The following NUDT2 variants were observed in gnomAD, a reference collection of about 807,000 sequenced individuals.
The protein encoded by NUDT2 is bis(5'-nucleosyl)-tetraphosphatase [asymmetrical].
A neutral mutation model predicts 14.2 loss-of-function variants in NUDT2; 12 were observed. The ratio of observed to expected loss-of-function variants is 0.84; its 90% CI spans 0.54 to 1.37. NUDT2 has a LOEUF of 1.37. NUDT2 is among the 40% of genes most tolerant of loss of function. NUDT2 has a pLI of 0.00. For missense variants in NUDT2, 167 were observed against 176.7 expected (o/e 0.95, Z 0.31); for synonymous variants, 67 against 67.4 (o/e 0.99, Z 0.03).
intron 4 of NUDT2, 89 bp downstream of exon 4, chr9:34,339,255 AGTGACT>A: frequency 2.0e-6 from 3 of 1,517,584 alleles, no homozygotes; most frequent in Non-Finnish European, 2.7e-6. Context: ...CTTAATTCCC[AGTGACT>A]GTGTAGCAAA....
intron 4 of NUDT2, among the ~76,000 whole-genome samples, chr9:34,340,483 G>A (rs1427559517): frequency 2.6e-5 from 4 of 152,236 alleles, no homozygotes; most frequent in African/African-American, 7.2e-5. Flanking sequence ...CTAGCTACCT[G>A]TGCCTTGAGT....
At chr9:34,342,980 C>T in intron 4 of NUDT2, 144 bp from the exon 5 acceptor site, 1 of 688,042 alleles carries the variant, frequency 1.5e-6, no homozygotes, top group South Asian at 1.9e-5. Context: ...GAGCTGATTG[C>T]ACTACTGCAC....
chr9:34,339,081 C>G lies in NUDT2; in HGVS notation c.42C>G (p.Cys14Trp), dbSNP rs762784885. The G allele has an allele frequency of 4.3e-6, 7 of 1,613,812 alleles. No individual in the cohort carries two copies. The highest frequency in any genetic ancestry group is 5.9e-6 in the Non-Finnish European group (7 of 1,179,822). The change falls in exon 4 of 5, where the codon TGC becomes TGG. Residue 14 changes from cysteine to tryptophan, a missense_variant. Transcript: ENST00000379158. ...RACGLIIFRR[C>W]LIPKVDNNAI... is the part of the protein sequence containing the mutation. ...GTGGCTTGATCATCTTCCGAAGATG[C>G]CTCATTCCCAAAGTGGACAACAATG...
At chr9:34,331,644 G>C (rs974489674) in intron 1 of NUDT2, among the ~76,000 whole-genome samples, 2 of 152,256 alleles carry the variant, frequency 1.3e-5, no homozygotes, top group East Asian at 3.9e-4. Flanking sequence ...AATTTTCACC[G>C]TGGTCTTGGT....
intron 1 of NUDT2, among the ~76,000 whole-genome samples, chr9:34,331,268 G>C (rs980560036): frequency 2.6e-5 from 4 of 152,144 alleles, no homozygotes; most frequent in Non-Finnish European, 5.9e-5. Context: ...GAAGCTTTTT[G>C]ATGATCTTTT....
Position 34,338,327 on chromosome 9 carries a change from T to TAAAAAAAAAAAAAA in NUDT2, c.-151-369_-151-356dup, listed in dbSNP as rs61594121. Among the ~76,000 whole-genome samples the TAAAAAAAAAAAAAA allele has an allele frequency of 2.7e-4, 9 of 33,738 alleles. 1 individual carries two copies. Among genetic ancestry groups the TAAAAAAAAAAAAAA allele is most frequent in the African/African-American group, 8.4e-4 (5 of 5,976 alleles). The allele number at this position is 33,738 out of a possible 152,430, so 22.1% of individuals were successfully genotyped here. A position where few individuals can be genotyped will look rare whatever the true frequency, so the allele number is the denominator to read the frequency against. On this transcript the variant is annotated intron_variant, in intron 2 of 4. Coordinates refer to ENST00000379158, the MANE Select transcript of NUDT2 (RefSeq NM_001161.5). The stretch of plus-strand genomic sequence containing the variant: ...GGGCAATATAGTGAGACCCTGTCTC[T>TAAAAAAAAAAAAAA]AAAAAAAAAAAAAAAAAAAAAAAAA...
At chr9:34,336,752 C>T (rs1240140177) in intron 2 of NUDT2, among the ~76,000 whole-genome samples, 3 of 151,926 alleles carry the variant, frequency 2.0e-5, no homozygotes, top group African/African-American at 7.3e-5. Flanking sequence ...CTGTGTTGTC[C>T]GGACTGGTCT....
chr9:34,332,474 A>G (rs886135085), intron 1 of NUDT2, among the ~76,000 whole-genome samples: 66 of 152,300 alleles, frequency 4.3e-4, no homozygotes, highest in African/African-American at 1.5e-3. Flanking sequence ...CTTCATATCT[A>G]TCTGTCAATC....
chr9:34,331,628 A>G (rs1365612394), intron 1 of NUDT2, among the ~76,000 whole-genome samples: 1 of 152,208 alleles, frequency 6.6e-6, no homozygotes, highest in Non-Finnish European at 1.5e-5. Context: ...TCTTGCTCTA[A>G]TAGAAAATTT....
chr9:34,330,265 C>T (rs1320331014), intron 1 of NUDT2, among the ~76,000 whole-genome samples: 1 of 152,116 alleles, frequency 6.6e-6, no homozygotes, highest in East Asian at 1.9e-4. Context: ...GTTAGCCAGG[C>T]GTCGTGGCGG....
In NUDT2 at chr9:34,343,347, G is replaced by A. The variant is rs984139122; in HGVS notation, c.351G>A (p.Leu117=). The A allele has an allele frequency of 6.2e-7, 1 of 1,614,118 alleles. No homozygotes were observed. Among genetic ancestry groups the A allele is most frequent in the Non-Finnish European group, 8.5e-7 (1 of 1,180,014 alleles). ...ATGAGCACCAAGCCTACCGCTGGCT[G>A]GGGCTGGAGGAGGCCTGCCAGTTGG... ...LSHEHQAYRW[L]GLEEACQLAQ... The change falls in exon 5 of 5, where the codon CTG becomes CTA. Residue 117 remains leucine (L), a synonymous_variant. Transcript: ENST00000379158.
At chr9:34,330,095 CAA>C in intron 1 of NUDT2, among the ~76,000 whole-genome samples, 1 of 152,306 alleles carries the variant, frequency 6.6e-6, no homozygotes, top group Middle Eastern at 3.4e-3. Flanking sequence ...AACAAACAAA[CAA>C]AAAAGGGACA....
At chr9:34,332,512 G>A (rs532154505) in intron 1 of NUDT2, among the ~76,000 whole-genome samples, 3 of 152,230 alleles carry the variant, frequency 2.0e-5, no homozygotes, top group African/African-American at 4.8e-5. Flanking sequence ...CATGGGATAC[G>A]CACAACAGAC....
chr9:34,335,361 C>T (rs576244862), intron 1 of NUDT2, among the ~76,000 whole-genome samples: 108 of 152,368 alleles, frequency 7.1e-4, no homozygotes, highest in African/African-American at 2.6e-3. Flanking sequence ...AGCAGAGTTG[C>T]ATGGATTTAT....
At chr9:34,329,924 TC>T (rs1253290361) in intron 1 of NUDT2, among the ~76,000 whole-genome samples, 1 of 152,208 alleles carries the variant, frequency 6.6e-6, no homozygotes, top group African/African-American at 2.4e-5. Flanking sequence ...CGCCGAACCT[TC>T]CCCTCCCTGG....
At chr9:34,333,524 C>T (rs1838003822) in intron 1 of NUDT2, among the ~76,000 whole-genome samples, 1 of 151,318 alleles carries the variant, frequency 6.6e-6, no homozygotes, top group Admixed American at 6.6e-5. Context: ...TCCTAGCTAC[C>T]CAGGAGGCTA....
intron 4 of NUDT2, among the ~76,000 whole-genome samples, chr9:34,340,731 T>C (rs756033935): frequency 6.6e-6 from 1 of 152,088 alleles, no homozygotes; most frequent in Non-Finnish European, 1.5e-5. Flanking sequence ...GCTGAGGCCA[T>C]TGGGATGGTT....
chr9:34,335,730 A>G (rs1012350004), intron 1 of NUDT2, among the ~76,000 whole-genome samples: 5 of 152,222 alleles, frequency 3.3e-5, no homozygotes, highest in Admixed American at 3.3e-4. Context: ...TTCTGGCGCC[A>G]TTGAGATTAA....
At chr9:34,331,629 T>C (rs759312787) in intron 1 of NUDT2, among the ~76,000 whole-genome samples, 4 of 152,160 alleles carry the variant, frequency 2.6e-5, no homozygotes, top group Non-Finnish European at 4.4e-5. Flanking sequence ...CTTGCTCTAA[T>C]AGAAAATTTT....
Sources: allele counts gnomAD v4.1 joint callset (sites outside exome capture counted in the v4.1 genomes callset), GRCh38; gene constraint gnomAD v4.1.1; transcripts MANE v1.5; gene names NCBI Gene and HGNC (gene_info 2026-07-23, HGNC 2026-07-21).